Variants in MACF1 observed in about 807,000 individuals in gnomAD.
The protein encoded by MACF1 is microtubule-actin cross-linking factor 1.
A neutral mutation model predicts 854.8 loss-of-function variants in MACF1; 193 were observed. The observed-to-expected ratio is 0.23, with a 90% CI of 0.20 to 0.25. The LOEUF (loss-of-function observed/expected upper bound fraction) is 0.25, where lower values mean the gene tolerates loss of function less well. MACF1 is among the 10% of genes least tolerant of loss of function. MACF1 has a pLI of 1.00. For missense variants in MACF1, 7,722 were observed against 8,929.1 expected, an observed-to-expected ratio of 0.86 and a Z score of 5.45; for synonymous variants, 3,185 against 3,226.7, an observed-to-expected ratio of 0.99 and a Z score of 0.44.
At chr1:39,091,357 A>T (rs1641797637) in intron 2 of MACF1, among the ~76,000 whole-genome samples, 1 of 152,142 alleles carries the variant, frequency 6.6e-6, no homozygotes, top group Non-Finnish European at 1.5e-5. Flanking sequence ...TGACCCTGGG[A>T]CGTTAGTCAC....
chr1:39,305,729 C>T (rs537903411), intron 23 of MACF1, among the ~76,000 whole-genome samples: 7 of 152,248 alleles, frequency 4.6e-5, no homozygotes, highest in Non-Finnish European at 5.9e-5. Context: ...CTCTGCTACT[C>T]TCCTTGCTTG....
intron 1 of MACF1, among the ~76,000 whole-genome samples, chr1:39,221,582 A>G (rs1264912228): frequency 6.6e-6 from 1 of 152,150 alleles, no homozygotes; most frequent in African/African-American, 2.4e-5. Flanking sequence ...CTCTCCTCCC[A>G]GTTGCTGTGG....
intron 2 of MACF1, among the ~76,000 whole-genome samples, chr1:39,180,263 C>T (rs1339095489): frequency 6.6e-6 from 1 of 152,120 alleles, no homozygotes; most frequent in Non-Finnish European, 1.5e-5. Flanking sequence ...TGGTTCCCTA[C>T]TCTGGTACTA....
chr1:39,212,978 A>G (rs1368721823), intron 1 of MACF1, among the ~76,000 whole-genome samples: 1 of 152,206 alleles, frequency 6.6e-6, no homozygotes, highest in Admixed American at 6.5e-5. Context: ...ACCTTCTTAC[A>G]TATACAACTC....
chr1:39,303,198 G>A, intron 23 of MACF1, 120 bp downstream of exon 23: 4 of 1,176,036 alleles, frequency 3.4e-6, no homozygotes, highest in Non-Finnish European at 4.7e-6. Flanking sequence ...CCTCCTGGGA[G>A]AGGCTTCTCA....
At chr1:39,294,864 C>T (rs1645868112) in intron 18 of MACF1, among the ~76,000 whole-genome samples, 182 bp from the exon 19 acceptor site, 1 of 152,176 alleles carries the variant, frequency 6.6e-6, no homozygotes, top group African/African-American at 2.4e-5. Flanking sequence ...GAATCATTTT[C>T]CAATAATTCC....
intron 2 of MACF1, among the ~76,000 whole-genome samples, chr1:39,119,648 A>G (rs1467882501): frequency 6.6e-6 from 1 of 152,042 alleles, no homozygotes; most frequent in Non-Finnish European, 1.5e-5. Flanking sequence ...CAGATGTTGC[A>G]TACTTGATAT....
chr1:39,139,944 ATCT>A (rs1304157771), intron 2 of MACF1, among the ~76,000 whole-genome samples: 1 of 84,988 alleles, frequency 1.2e-5, no homozygotes, highest in Non-Finnish European at 2.3e-5. Flanking sequence ...TTAGAACTAA[ATCT>A]TTTTTTTTTT....
rs182097480 is a variant in MACF1, at chr1:39,406,508, G to T, written c.15817-15866G>T. The stretch of plus-strand genomic sequence containing the variant: ...AATCCCAGCACTTTGGGAGGCTGAG[G>T]TGAGTGGATCACCTGAGGTCAGGTC... On this transcript the variant is annotated intron_variant, in intron 58 of 100. Transcript: ENST00000564288. Among the ~76,000 whole-genome samples the T allele has an allele frequency of 3.8e-3, 585 of 152,254 alleles. 4 individuals are homozygous for T. The highest frequency in any genetic ancestry group is 0.013 in the African/African-American group (537 of 41,528).
intron 22 of MACF1, among the ~76,000 whole-genome samples, chr1:39,301,456 C>A (rs140196306): frequency 3.3e-5 from 5 of 151,026 alleles, no homozygotes; most frequent in Non-Finnish European, 5.9e-5. Context: ...GACGGAGTCT[C>A]GCTCTGTGGC....
chr1:39,453,892 A>G, intron 88 of MACF1, 42 bp downstream of exon 88: 1 of 1,610,392 alleles, frequency 6.2e-7, no homozygotes, highest in South Asian at 1.1e-5. Context: ...CGCCCAGTAA[A>G]CTATCACTAT....
intron 7 of MACF1, among the ~76,000 whole-genome samples, chr1:39,282,930 C>G (rs1204993003): frequency 6.6e-6 from 1 of 152,134 alleles, no homozygotes; most frequent in Non-Finnish European, 1.5e-5. Flanking sequence ...AAACATGCCC[C>G]AATTTTCAGT....
chr1:39,272,859 T>C (rs939940138), intron 6 of MACF1, among the ~76,000 whole-genome samples: 6 of 152,230 alleles, frequency 3.9e-5, no homozygotes. Flanking sequence ...GTTTTCAGAA[T>C]GACAAGTAGA....
chr1:39,445,396 C>T (rs543570730), intron 80 of MACF1, among the ~76,000 whole-genome samples: 34 of 152,132 alleles, frequency 2.2e-4, no homozygotes, highest in Non-Finnish European at 4.3e-4. Flanking sequence ...GTATTTTTTG[C>T]TGCTCAGATC....
chr1:39,433,440 C>T (rs1643909281), intron 68 of MACF1, among the ~76,000 whole-genome samples: 1 of 152,192 alleles, frequency 6.6e-6, no homozygotes, highest in Non-Finnish European at 1.5e-5. Flanking sequence ...CTTTGAGTTA[C>T]TTTTCAAGGT....
At chr1:39,478,554 C>A (rs556951861) in intron 97 of MACF1, among the ~76,000 whole-genome samples, 2 of 152,152 alleles carry the variant, frequency 1.3e-5, no homozygotes, top group Non-Finnish European at 2.9e-5. Flanking sequence ...TAACCTGATA[C>A]TTTGATATGT....
chr1:39,102,913 C>A (rs1193401850), intron 2 of MACF1: 1 of 702,260 alleles, frequency 1.4e-6, no homozygotes, highest in Admixed American at 2.0e-5. Flanking sequence ...TTCCCATCCC[C>A]CCTGGCAGCC....
At chr1:39,176,829 G>A (rs1276748668) in intron 2 of MACF1, among the ~76,000 whole-genome samples, 1 of 152,194 alleles carries the variant, frequency 6.6e-6, no homozygotes, top group East Asian at 1.9e-4. Flanking sequence ...CCAGGGTTCT[G>A]ATGTACAGTT....
chr1:39,183,258 A>G (rs1644126899), intron 2 of MACF1, among the ~76,000 whole-genome samples: 1 of 152,198 alleles, frequency 6.6e-6, no homozygotes, highest in Non-Finnish European at 1.5e-5. Flanking sequence ...GGAATGTTCT[A>G]AAGTTAGATA....
Sources: allele counts gnomAD v4.1 joint callset (sites outside exome capture counted in the v4.1 genomes callset), GRCh38; gene constraint gnomAD v4.1.1; transcripts MANE v1.5; gene names NCBI Gene and HGNC (gene_info 2026-07-23, HGNC 2026-07-21).